The following CCDC62 variants were observed in gnomAD, a reference collection of about 807,000 sequenced individuals.
The protein encoded by CCDC62 is coiled-coil domain-containing protein 62.
CCDC62 carries 72 observed loss-of-function variants against 80.8 expected under a neutral mutation model. The observed-to-expected ratio is 0.89, with a 90% CI of 0.74 to 1.08. The LOEUF (loss-of-function observed/expected upper bound fraction) is 1.08, where lower values mean the gene tolerates loss of function less well. CCDC62 is among the 50% of genes least tolerant of loss of function. CCDC62 has a pLI of 0.00. For missense variants in CCDC62, 704 were observed against 809.4 expected (o/e 0.87, Z 1.58); for synonymous variants, 286 against 296.5 (o/e 0.96, Z 0.36).
chr12:122,793,529 A>G lies in CCDC62; in HGVS notation c.772+1408A>G, dbSNP rs533630452. Among the ~76,000 whole-genome samples the G allele has an allele frequency of 1.7e-3, 22 of 13,174 alleles. 1 individual carries two copies. The South Asian group carries it at 0.028, about 17-fold the overall frequency. The allele number at this position is 13,174 out of a possible 152,430, so 8.6% of individuals were successfully genotyped here. ...AGGGAATGGAATGCAGTTTGTCTGT[A>G]AATTAATGGGAAAAAATTGAGGCTC... On this transcript the variant is annotated intron_variant, in intron 6 of 12. Transcript: ENST00000253079.
At chr12:122,796,552 C>T (rs568933448) in intron 6 of CCDC62, among the ~76,000 whole-genome samples, 2 of 152,228 alleles carry the variant, frequency 1.3e-5, no homozygotes, top group South Asian at 2.1e-4. Flanking sequence ...GATATCACTT[C>T]CACTGTTAAA....
chr12:122,808,884 T>C (rs1343363033), intron 10 of CCDC62, among the ~76,000 whole-genome samples: 2 of 152,208 alleles, frequency 1.3e-5, no homozygotes, highest in African/African-American at 4.8e-5. Context: ...GTGCTGATGC[T>C]CCGGTCCCAG....
chr12:122,802,821 A>G (rs1400950524), intron 9 of CCDC62, among the ~76,000 whole-genome samples: 5 of 151,918 alleles, frequency 3.3e-5, no homozygotes, highest in African/African-American at 9.7e-5. Context: ...GAGTCCAGGA[A>G]TTTGAGACTA....
intron 11 of CCDC62, among the ~76,000 whole-genome samples, chr12:122,817,062 A>ATTTATTTATTTATTTAT (rs1566089232): frequency 6.6e-6 from 1 of 151,380 alleles, no homozygotes; most frequent in African/African-American, 2.4e-5. Flanking sequence ...TTATTTATTT[A>ATTTATTTATTTATTTAT]TTGTTTTGAG....
intron 11 of CCDC62, among the ~76,000 whole-genome samples, chr12:122,822,384 G>C (rs1031276595): frequency 6.6e-6 from 1 of 151,948 alleles, no homozygotes; most frequent in East Asian, 1.9e-4. Flanking sequence ...GATTACAGGC[G>C]TGAGCCACTG....
chr12:122,816,853 A>G (rs1331935392), intron 11 of CCDC62, among the ~76,000 whole-genome samples: 1 of 152,028 alleles, frequency 6.6e-6, no homozygotes, highest in Admixed American at 6.6e-5. Context: ...CCGCTATCTA[A>G]TTCTAGAATA....
chr12:122,817,168 C>T (rs1306175446), intron 11 of CCDC62, among the ~76,000 whole-genome samples: 1 of 151,594 alleles, frequency 6.6e-6, no homozygotes, highest in Non-Finnish European at 1.5e-5. Flanking sequence ...TCTCCTGCCC[C>T]AGCCTCCCAA....
At chr12:122,795,370 T>C (rs912298022) in intron 6 of CCDC62, among the ~76,000 whole-genome samples, 6 of 152,140 alleles carry the variant, frequency 3.9e-5, no homozygotes, top group Middle Eastern at 3.4e-3. Flanking sequence ...CATGTTTTAT[T>C]TGAAGTTGGA....
At chr12:122,806,384 C>T in intron 10 of CCDC62, 89 bp downstream of exon 10, 1 of 941,694 alleles carries the variant, frequency 1.1e-6, no homozygotes, top group Admixed American at 3.0e-5. Flanking sequence ...TGTTAGCTTG[C>T]TTATTTTGGC....
intron 10 of CCDC62, among the ~76,000 whole-genome samples, chr12:122,808,220 C>A (rs1359597234): frequency 6.6e-6 from 1 of 152,050 alleles, no homozygotes; most frequent in Admixed American, 6.6e-5. Flanking sequence ...TTGCTTAAAC[C>A]CGGGAGGCAG....
At chr12:122,781,060 T>C (rs571581485) in intron 2 of CCDC62, 104 bp from the exon 3 acceptor site, 35 of 835,048 alleles carry the variant, frequency 4.2e-5, no homozygotes, top group Admixed American at 3.8e-4. Flanking sequence ...AGATTGTCTT[T>C]TTAAAAATTC....
intron 11 of CCDC62, among the ~76,000 whole-genome samples, chr12:122,817,639 C>CA (rs1273584566): frequency 1.3e-5 from 2 of 152,134 alleles, no homozygotes; most frequent in African/African-American, 4.8e-5. Flanking sequence ...TCACGTTTTC[C>CA]AAACAAGCAT....
intron 1 of CCDC62, among the ~76,000 whole-genome samples, chr12:122,775,394 G>T (rs1384857368): frequency 6.6e-6 from 1 of 152,194 alleles, no homozygotes; most frequent in African/African-American, 2.4e-5. Flanking sequence ...AAGACGACCT[G>T]CCTTTGTGTA....
At chr12:122,809,214 G>A (rs1293197686) in intron 10 of CCDC62, among the ~76,000 whole-genome samples, 1 of 152,290 alleles carries the variant, frequency 6.6e-6, no homozygotes, top group Admixed American at 6.5e-5. Context: ...ATCAGGCCGG[G>A]CGTGGTGGCT....
chr12:122,801,890 T>G, intron 9 of CCDC62, 38 bp downstream of exon 9: 1 of 1,582,146 alleles, frequency 6.3e-7, no homozygotes, highest in Non-Finnish European at 8.6e-7. Flanking sequence ...CCACGGAGCA[T>G]GCATGCCAGT....
intron 6 of CCDC62, among the ~76,000 whole-genome samples, chr12:122,795,626 G>T (rs113370981): frequency 1.4e-4 from 22 of 152,032 alleles, no homozygotes; most frequent in African/African-American, 2.2e-4. Flanking sequence ...GGGTTTCACC[G>T]TGTTAGCCAG....
intron 3 of CCDC62, 83 bp downstream of exon 3, chr12:122,781,413 C>T (rs540069891): frequency 4.3e-5 from 57 of 1,319,214 alleles, no homozygotes; most frequent in South Asian, 2.5e-4. Flanking sequence ...TGACCGGGCA[C>T]GGTGGCTCAC....
At chr12:122,786,957 C>CA (rs1180134645) in intron 4 of CCDC62, among the ~76,000 whole-genome samples, 7 of 150,408 alleles carry the variant, frequency 4.7e-5, no homozygotes, top group South Asian at 2.1e-4. Flanking sequence ...GACTCCGTCT[C>CA]AAAAAAAAAT....
intron 12 of CCDC62, among the ~76,000 whole-genome samples, chr12:122,824,887 C>T (rs2032553220): frequency 6.6e-6 from 1 of 151,952 alleles, no homozygotes; most frequent in South Asian, 2.1e-4. Context: ...GAGTTTGAGA[C>T]CAGCCTGGCC....
Sources: gnomAD v4.1 joint callset for allele counts (sites outside exome capture counted in the v4.1 genomes callset) on GRCh38, gnomAD v4.1.1 for gene constraint, MANE v1.5 for transcripts, NCBI Gene and HGNC (gene_info 2026-07-23, HGNC 2026-07-21) for gene names.